The following DENND2B variants were observed in gnomAD, a reference collection of about 807,000 sequenced individuals.
DENND2B encodes DENN domain-containing protein 2B.
DENND2B carries 32 observed loss-of-function variants against 116.0 expected under a neutral mutation model. The observed-to-expected ratio is 0.28, with a 90% CI of 0.21 to 0.37. DENND2B has a LOEUF of 0.37. Ranked by LOEUF, DENND2B falls within the 10% of genes least tolerant of loss-of-function variation. The pLI is 1.00. For synonymous variants in DENND2B, 588 were observed against 583.9 expected (o/e 1.01, Z -0.10); for missense variants, 1,276 against 1,477.7 (o/e 0.86, Z 2.24).
chr11:8,869,429 C>A (rs1483558120), intron 2 of DENND2B, among the ~76,000 whole-genome samples: 1 of 152,086 alleles, frequency 6.6e-6, no homozygotes, highest in African/African-American at 2.4e-5. Flanking sequence ...TTGGGAGGCC[C>A]AGGCGGGTGG....
At chr11:8,747,188 C>T (rs1311639490) in intron 2 of DENND2B, among the ~76,000 whole-genome samples, 3 of 152,144 alleles carry the variant, frequency 2.0e-5, no homozygotes, top group Admixed American at 6.5e-5. Flanking sequence ...TCTAGGCACA[C>T]AGAAAGACAT....
intron 4 of DENND2B, among the ~76,000 whole-genome samples, chr11:8,834,363 T>A (rs1376067097): frequency 6.6e-6 from 1 of 152,238 alleles, no homozygotes; most frequent in East Asian, 1.9e-4. Flanking sequence ...TAAGACCTGA[T>A]ACAGCATTGC....
intron 11 of DENND2B, 85 bp downstream of exon 11, chr11:8,710,752 GGCACACAC>G: frequency 4.1e-5 from 40 of 970,126 alleles, no homozygotes; most frequent in Non-Finnish European, 5.5e-5. Flanking sequence ...ATTGCAGAAG[GGCACACAC>G]ACACACACAC....
intron 2 of DENND2B, among the ~76,000 whole-genome samples, chr11:8,878,598 A>C (rs1383644221): frequency 6.6e-6 from 1 of 152,164 alleles, no homozygotes; most frequent in Non-Finnish European, 1.5e-5. Context: ...CATGTTGGCC[A>C]AGCTGGTCTT....
At chr11:8,902,003 C>T (rs1220746234) in intron 1 of DENND2B, among the ~76,000 whole-genome samples, 1 of 152,020 alleles carries the variant, frequency 6.6e-6, no homozygotes, top group African/African-American at 2.4e-5. Context: ...TATATCTTTG[C>T]TGATTTTCTG....
intron 1 of DENND2B, among the ~76,000 whole-genome samples, chr11:8,905,008 T>C (rs992553337): frequency 6.6e-6 from 1 of 152,156 alleles, no homozygotes; most frequent in African/African-American, 2.4e-5. Flanking sequence ...ATATAATCTC[T>C]ATCAAAACAT....
chr11:8,849,490 C>CAAAAAA (rs35966963), intron 3 of DENND2B, among the ~76,000 whole-genome samples: 1 of 63,568 alleles, frequency 1.6e-5, no homozygotes, highest in African/African-American at 5.9e-5. Context: ...TAGACTGTCT[C>CAAAAAA]AAAAAAAAAA....
chr11:8,777,779 C>T (rs1161929555), intron 1 of DENND2B, among the ~76,000 whole-genome samples: 1 of 152,188 alleles, frequency 6.6e-6, no homozygotes, highest in Non-Finnish European at 1.5e-5. Context: ...AAAGAGAGAA[C>T]ACCTAACCCA....
At chr11:8,717,625 AT>A in intron 5 of DENND2B, 115 bp downstream of exon 5, 4 of 1,299,424 alleles carry the variant, frequency 3.1e-6, no homozygotes, top group Middle Eastern at 2.8e-4. Context: ...TAGACCCTTT[AT>A]CAAGTACTAG....
chr11:8,807,525 C>T (rs147891320), intron 1 of DENND2B, among the ~76,000 whole-genome samples: 6 of 152,274 alleles, frequency 3.9e-5, no homozygotes, highest in African/African-American at 1.4e-4. Context: ...TTGGCCTGTT[C>T]TCCAGTGTAT....
At chr11:8,718,830 C>T in intron 4 of DENND2B, 1 of 998,828 alleles carries the variant, frequency 1.0e-6, no homozygotes, top group Non-Finnish European at 1.2e-6. Context: ...TTTCCACAAG[C>T]TGTATCTCCT....
At chr11:8,789,412 C>T (rs1449875129) in intron 1 of DENND2B, among the ~76,000 whole-genome samples, 5 of 152,146 alleles carry the variant, frequency 3.3e-5, no homozygotes, top group Non-Finnish European at 7.3e-5. Flanking sequence ...ACACAGATTA[C>T]CTGCTAGTCA....
intron 2 of DENND2B, among the ~76,000 whole-genome samples, chr11:8,739,117 G>A (rs2049692384): frequency 6.6e-6 from 1 of 152,226 alleles, no homozygotes; most frequent in African/African-American, 2.4e-5. Context: ...ATGACTAAAT[G>A]AATGAAAATG....
chr11:8,852,268 T>A (rs955451212), intron 3 of DENND2B, among the ~76,000 whole-genome samples: 3 of 152,176 alleles, frequency 2.0e-5, no homozygotes, highest in Non-Finnish European at 4.4e-5. Context: ...GAATGTCACA[T>A]TAAAGGGTGG....
chr11:8,727,222 C>G (rs972720791), intron 3 of DENND2B, among the ~76,000 whole-genome samples: 2 of 152,190 alleles, frequency 1.3e-5, no homozygotes, highest in African/African-American at 4.8e-5. Flanking sequence ...TTCTTTGGGG[C>G]ACCATCAGAC....
intron 1 of DENND2B, chr11:8,774,377 T>C (rs2057342429): frequency 1.0e-6 from 1 of 955,236 alleles, no homozygotes; most frequent in Non-Finnish European, 1.2e-6. Flanking sequence ...AAACATGTTC[T>C]CCTTCCTGCT....
At chr11:8,828,094 A>C (rs2062047362) in intron 4 of DENND2B, among the ~76,000 whole-genome samples, 1 of 152,188 alleles carries the variant, frequency 6.6e-6, no homozygotes, top group Non-Finnish European at 1.5e-5. Flanking sequence ...CATTCAGACT[A>C]AACTAAGAGC....
intron 1 of DENND2B, chr11:8,774,267 A>G (rs756447858): frequency 3.1e-5 from 31 of 985,442 alleles, no homozygotes; most frequent in Non-Finnish European, 3.7e-5. Flanking sequence ...TCTTCCAGAA[A>G]CGGCAGGACA....
chr11:8,720,566 A>G (rs1049978123), intron 4 of DENND2B, among the ~76,000 whole-genome samples: 6 of 152,134 alleles, frequency 3.9e-5, no homozygotes, highest in African/African-American at 1.4e-4. Context: ...AAAGCCACTA[A>G]TCAGTTCTCC....
Sources: allele counts gnomAD v4.1 joint callset (sites outside exome capture counted in the v4.1 genomes callset), GRCh38; gene constraint gnomAD v4.1.1; transcripts MANE v1.5; gene names NCBI Gene and HGNC (gene_info 2026-07-23, HGNC 2026-07-21).